The following ELFN2 variants were observed in gnomAD, a reference collection of about 807,000 sequenced individuals.
ELFN2 encodes the protein protein phosphatase 1 regulatory subunit 29.
ELFN2 carries 17 observed loss-of-function variants against 45.5 expected under a neutral mutation model. The ratio of observed to expected loss-of-function variants is 0.37; its 90% CI spans 0.26 to 0.56. The LOEUF (loss-of-function observed/expected upper bound fraction) is 0.56. Among genes scored for constraint, ELFN2 ranks in the 20% least tolerant of loss-of-function variants. The pLI is 0.77. For missense variants in ELFN2, 922 were observed against 1,183.2 expected, an observed-to-expected ratio of 0.78 and a Z score of 3.24; for synonymous variants, 550 against 551.5, an observed-to-expected ratio of 1.00 and a Z score of 0.04.
At chr22:37,348,594 G>A (rs112208351) in intron 1 of ELFN2, among the ~76,000 whole-genome samples, 2 of 150,646 alleles carry the variant, frequency 1.3e-5, no homozygotes, top group Admixed American at 6.6e-5. Context: ...ATCAGACCTC[G>A]GGGCAGGGCT....
At chr22:37,350,547 T>C (rs1476811772) in intron 1 of ELFN2, among the ~76,000 whole-genome samples, 1 of 150,062 alleles carries the variant, frequency 6.7e-6, no homozygotes, top group African/African-American at 2.4e-5. Context: ...TTTCCCTGCC[T>C]CCCCACCGCA....
chr22:37,405,073 C>A (rs1932461292), intron 2 of ELFN2, among the ~76,000 whole-genome samples: 1 of 151,358 alleles, frequency 6.6e-6, no homozygotes, highest in Non-Finnish European at 1.5e-5. Context: ...AGGCCCCTCA[C>A]CTCCCTGAAC....
At chr22:37,361,307 T>C (rs184873367) in intron 1 of ELFN2, among the ~76,000 whole-genome samples, 65 of 152,212 alleles carry the variant, frequency 4.3e-4, no homozygotes, top group African/African-American at 1.4e-3. Context: ...ACACTCCAAA[T>C]GTAAAGTGAC....
intron 2 of ELFN2, among the ~76,000 whole-genome samples, chr22:37,404,359 G>C (rs17751584): frequency 0.013 from 2,039 of 152,204 alleles, 27 homozygotes; most frequent in Non-Finnish European, 0.021. Flanking sequence ...AGGCAGATTT[G>C]AGTCAGGCTT....
Position 37,372,889 on chromosome 22 carries a change from G to T in ELFN2, c.*183C>A. The T allele has an allele frequency of 1.6e-6, 1 of 619,036 alleles. No homozygotes were observed. The allele number at this position is 619,036 out of a possible 1,614,324, so 38.3% of individuals were successfully genotyped here. On this transcript the variant is annotated 3_prime_UTR_variant, in exon 3 of 3. Transcript: ENST00000402918. This position sits in a 1 kb window ranked among gnomAD's most constrained non-coding sequence, Gnocchi z 4.4. The stretch of plus-strand genomic sequence containing the variant: ...GTTTTCCTGTCCGTTATTGTCGGAT[G>T]TTGGTTTGTTCACAGTCGGGTGGTG...
At chr22:37,349,149 G>A (rs987149209) in intron 1 of ELFN2, among the ~76,000 whole-genome samples, 6 of 151,232 alleles carry the variant, frequency 4.0e-5, no homozygotes, top group East Asian at 3.9e-4. Context: ...TGATACACCC[G>A]GAAAGGGGCC....
intron 1 of ELFN2, among the ~76,000 whole-genome samples, chr22:37,355,159 C>G (rs1333706766): frequency 1.3e-5 from 2 of 152,168 alleles, no homozygotes; most frequent in African/African-American, 4.8e-5. Context: ...TGGGATGGAC[C>G]AGGTGCTTGC....
intron 1 of ELFN2, among the ~76,000 whole-genome samples, chr22:37,361,370 A>G (rs1176769642): frequency 9.9e-6 from 1 of 100,820 alleles, no homozygotes; most frequent in African/African-American, 3.9e-5. Context: ...ATGAGTTGCC[A>G]GTTCCATCCC....
At chr22:37,380,054 T>C (rs1410962029) in intron 2 of ELFN2, among the ~76,000 whole-genome samples, 9 of 152,218 alleles carry the variant, frequency 5.9e-5, no homozygotes, top group Admixed American at 1.3e-4. Context: ...TCCCCTGGAC[T>C]CAGGCTTGCT....
intron 2 of ELFN2, among the ~76,000 whole-genome samples, chr22:37,413,929 A>G (rs530992676): frequency 2.4e-4 from 37 of 152,320 alleles, no homozygotes; most frequent in Admixed American, 6.5e-4. Context: ...ACAGCAGCAG[A>G]AGACAGCACT....
At chr22:37,379,612 T>C (rs1262171443) in intron 2 of ELFN2, among the ~76,000 whole-genome samples, 1 of 152,158 alleles carries the variant, frequency 6.6e-6, no homozygotes, top group Admixed American at 6.5e-5. Context: ...TATCGGGGGC[T>C]CCCGGTCTGC....
chr22:37,381,520 C>T (rs1931767263), intron 2 of ELFN2, among the ~76,000 whole-genome samples: 1 of 152,032 alleles, frequency 6.6e-6, no homozygotes, highest in Non-Finnish European at 1.5e-5. Context: ...GAGATCTCTG[C>T]TCAACCACTC....
chr22:37,404,049 C>A (rs1446383671), intron 2 of ELFN2, among the ~76,000 whole-genome samples: 1 of 152,118 alleles, frequency 6.6e-6, no homozygotes, highest in Admixed American at 6.5e-5. Flanking sequence ...TATGTGGTAC[C>A]CAGAAGGTGG....
intron 1 of ELFN2, among the ~76,000 whole-genome samples, chr22:37,343,711 ACC>A (rs57548159): frequency 1.7e-4 from 14 of 83,374 alleles, no homozygotes; most frequent in Non-Finnish European, 3.3e-4. Context: ...TCCCAGACCC[ACC>A]CCCCCCGGAC....
Position 37,414,044 on chromosome 22 carries a change from T to A in ELFN2, c.-463+3725A>T, listed in dbSNP as rs114146668. 8.6e-3 allele frequency among the ~76,000 whole-genome samples: 1,316 copies of A among 152,270 alleles called. 15 individuals carry two copies. The highest frequency in any genetic ancestry group is 0.027 in the African/African-American group (1,127 of 41,546). On this transcript the variant is annotated intron_variant, in intron 2 of 2. Coordinates refer to ENST00000402918, the MANE Select transcript of ELFN2 (RefSeq NM_052906.5). ...ACTGTCCTCTTGTATAAAATGGGAATAACGAGACTGACCTCCCAGGGTGGC... is the reference window on the plus strand; with the variant it reads ...ACTGTCCTCTTGTATAAAATGGGAAAAACGAGACTGACCTCCCAGGGTGGC...
chr22:37,379,391 C>T (rs1931684963), intron 2 of ELFN2, among the ~76,000 whole-genome samples: 1 of 152,270 alleles, frequency 6.6e-6, no homozygotes, highest in Non-Finnish European at 1.5e-5. Flanking sequence ...GGTGGCACAG[C>T]CCAGGAGGGG....
At chr22:37,389,617 G>A (rs1464977137) in intron 2 of ELFN2, among the ~76,000 whole-genome samples, 1 of 152,088 alleles carries the variant, frequency 6.6e-6, no homozygotes, top group African/African-American at 2.4e-5. Context: ...TACAAGTAGG[G>A]GAAACTGAGG....
intron 2 of ELFN2, among the ~76,000 whole-genome samples, chr22:37,385,886 A>G (rs1028290307): frequency 2.6e-5 from 4 of 152,128 alleles, no homozygotes; most frequent in Admixed American, 6.5e-5. Flanking sequence ...CAAGGATTCT[A>G]GGATGTATCT....
At chr22:37,415,529 G>A (rs966727052) in intron 2 of ELFN2, among the ~76,000 whole-genome samples, 4 of 152,192 alleles carry the variant, frequency 2.6e-5, no homozygotes, top group Admixed American at 1.3e-4. Context: ...CTGCCTCTCC[G>A]GCCCCGTTCC....
Sources: gnomAD v4.1 joint callset for allele counts (sites outside exome capture counted in the v4.1 genomes callset) on GRCh38, gnomAD v4.1.1 for gene constraint, Gnocchi (gnomAD v3.1) non-coding constraint, MANE v1.5 for transcripts, NCBI Gene and HGNC (gene_info 2026-07-23, HGNC 2026-07-21) for gene names.